The following NAALADL2 variants were observed in gnomAD, a reference collection of about 807,000 sequenced individuals.
NAALADL2 encodes N-acetylated alpha-linked acidic dipeptidase like 2.
Under a neutral mutation model 87.2 loss-of-function variants are expected in NAALADL2, and 76 were observed. The observed-to-expected ratio is 0.87, with a 90% CI of 0.72 to 1.05. The LOEUF is 1.05. Ranked by LOEUF, NAALADL2 falls within the 50% of genes least tolerant of loss-of-function variation. The pLI, the probability that NAALADL2 is intolerant of heterozygous loss-of-function variation, is 0.00. For missense variants in NAALADL2, 1,089 were observed against 945.8 expected (o/e 1.15, Z -1.99); for synonymous variants, 354 against 331.0 (o/e 1.07, Z -0.75).
intron 6 of NAALADL2, among the ~76,000 whole-genome samples, chr3:175,454,658 C>T (rs73884404): frequency 9.2e-5 from 14 of 151,980 alleles, no homozygotes; most frequent in Non-Finnish European, 1.3e-4. Flanking sequence ...AAATTTTGAC[C>T]TAGTAAGTTC....
At chr3:175,275,904 C>G (rs988335622) in intron 4 of NAALADL2, among the ~76,000 whole-genome samples, 1 of 151,084 alleles carries the variant, frequency 6.6e-6, no homozygotes, top group Non-Finnish European at 1.5e-5. Flanking sequence ...AAAACTATTT[C>G]CTTTTCTAAA....
intron 2 of NAALADL2, among the ~76,000 whole-genome samples, chr3:174,576,248 A>T (rs1693525214): frequency 6.6e-6 from 1 of 152,170 alleles, no homozygotes. Context: ...ATTAAAGTAG[A>T]CATACAGACA....
At chr3:174,955,652 A>G (rs1339671041) in intron 1 of NAALADL2, among the ~76,000 whole-genome samples, 1 of 152,112 alleles carries the variant, frequency 6.6e-6, no homozygotes, top group African/African-American at 2.4e-5. Context: ...ACTAAAGACA[A>G]ATAGAGATAT....
intron 11 of NAALADL2, among the ~76,000 whole-genome samples, chr3:175,673,765 C>T (rs1410950839): frequency 6.6e-6 from 1 of 151,842 alleles, no homozygotes; most frequent in Non-Finnish European, 1.5e-5. Context: ...TTTCAATCAA[C>T]CCAAAGGAAT....
At chr3:175,727,091 T>A (rs1743037605) in intron 11 of NAALADL2, among the ~76,000 whole-genome samples, 1 of 152,120 alleles carries the variant, frequency 6.6e-6, no homozygotes, top group Non-Finnish European at 1.5e-5. Context: ...TCACATCCCA[T>A]CGATTTTTCA....
At chr3:174,739,677 CT>C (rs1015877257) in intron 3 of NAALADL2, among the ~76,000 whole-genome samples, 7 of 151,906 alleles carry the variant, frequency 4.6e-5, no homozygotes, top group African/African-American at 1.7e-4. Flanking sequence ...TTTTAAGAGG[CT>C]TTTGCTTTGG....
At chr3:174,764,342 C>T (rs910153632) in intron 3 of NAALADL2, among the ~76,000 whole-genome samples, 10 of 152,116 alleles carry the variant, frequency 6.6e-5, no homozygotes, top group South Asian at 2.1e-4. Context: ...CAAAAGGTGC[C>T]GGGTGCAGTG....
At chr3:175,345,006 A>G (rs1486670140) in intron 5 of NAALADL2, among the ~76,000 whole-genome samples, 2 of 152,124 alleles carry the variant, frequency 1.3e-5, no homozygotes, top group Non-Finnish European at 2.9e-5. Flanking sequence ...AATCATACAG[A>G]TGATAATAGG....
At chr3:174,890,469 ATAAT>A (rs1297053102) in intron 1 of NAALADL2, among the ~76,000 whole-genome samples, 1 of 152,216 alleles carries the variant, frequency 6.6e-6, no homozygotes, top group African/African-American at 2.4e-5. Context: ...GGGAAGCTAA[ATAAT>A]TAACTGTTGA....
At chr3:175,780,622 C>T (rs532219181) in intron 13 of NAALADL2, among the ~76,000 whole-genome samples, 5 of 152,274 alleles carry the variant, frequency 3.3e-5, no homozygotes, top group African/African-American at 9.6e-5. Context: ...TATTTATTCA[C>T]AGCTGTTCAA....
chr3:175,472,515 T>C (rs1412472916), intron 9 of NAALADL2, among the ~76,000 whole-genome samples: 1 of 152,134 alleles, frequency 6.6e-6, no homozygotes, highest in Non-Finnish European at 1.5e-5. Flanking sequence ...TCAATGTCTG[T>C]TAATTTATAT....
At chr3:174,565,654 T>C (rs1714167690) in intron 2 of NAALADL2, among the ~76,000 whole-genome samples, 1 of 152,088 alleles carries the variant, frequency 6.6e-6, no homozygotes, top group African/African-American at 2.4e-5. Flanking sequence ...GGTTTTTGTG[T>C]GAATATGAGT....
rs745954403 is a variant in NAALADL2 at position 175,737,408 on chromosome 3, C to T, written c.1990+9C>T. 6.7e-7 allele frequency: 1 copy of T among 1,497,058 alleles called. No individual in the cohort carries two copies. Among genetic ancestry groups the T allele is most frequent in the East Asian group, 2.3e-5 (1 of 44,102 alleles). The allele number at this position is 1,497,058 out of a possible 1,614,324, so 92.7% of individuals were successfully genotyped here. A position where few individuals can be genotyped will look rare whatever the true frequency, so the allele number is the denominator to read the frequency against. ...TCAAAACAACCTTAAAGGTAATTTT[C>T]CTTTGAATTATAGTAATTTTACCAA... On this transcript the variant is annotated intron_variant, in intron 12 of 13. Coordinates refer to ENST00000454872, the MANE Select transcript of NAALADL2 (RefSeq NM_207015.3).
intron 2 of NAALADL2, among the ~76,000 whole-genome samples, chr3:175,168,602 A>G (rs1169021995): frequency 6.6e-6 from 1 of 151,478 alleles, no homozygotes; most frequent in Non-Finnish European, 1.5e-5. Flanking sequence ...TTCATATTCA[A>G]TTCTAAATTA....
intron 5 of NAALADL2, among the ~76,000 whole-genome samples, chr3:175,370,105 G>T (rs1581618017): frequency 6.6e-6 from 1 of 152,142 alleles, no homozygotes; most frequent in East Asian, 1.9e-4. Context: ...AAGGATAAAA[G>T]AATGATTATT....
chr3:175,006,301 G>T (rs1749009980), intron 1 of NAALADL2, among the ~76,000 whole-genome samples: 1 of 152,084 alleles, frequency 6.6e-6, no homozygotes, highest in Non-Finnish European at 1.5e-5. Context: ...GTGTTCTTTT[G>T]TTATTCCCTT....
chr3:175,067,616 A>G (rs1714777786), intron 1 of NAALADL2, among the ~76,000 whole-genome samples: 1 of 152,166 alleles, frequency 6.6e-6, no homozygotes, highest in Non-Finnish European at 1.5e-5. Context: ...GCTGCAGAGA[A>G]AAAGGAATGC....
chr3:174,958,058 C>A (rs990697681), intron 1 of NAALADL2, among the ~76,000 whole-genome samples: 7 of 151,882 alleles, frequency 4.6e-5, no homozygotes, highest in African/African-American at 1.7e-4. Context: ...TAACCTTTCA[C>A]CATAACATAG....
intron 3 of NAALADL2, among the ~76,000 whole-genome samples, chr3:174,762,592 G>GA (rs1380733671): frequency 2.0e-5 from 3 of 151,822 alleles, no homozygotes; most frequent in Non-Finnish European, 2.9e-5. Flanking sequence ...GAAGGGAGTG[G>GA]AAAAAAATAT....
Sources: gnomAD v4.1 joint callset for allele counts (sites outside exome capture counted in the v4.1 genomes callset) on GRCh38, gnomAD v4.1.1 for gene constraint, MANE v1.5 for transcripts, NCBI Gene and HGNC (gene_info 2026-07-23, HGNC 2026-07-21) for gene names.